Variants in PTPRM observed in about 807,000 individuals in gnomAD.
PTPRM encodes protein tyrosine phosphatase receptor type M.
In PTPRM, 47 loss-of-function variants were observed where a neutral mutation model predicts 186.7. The observed-to-expected ratio is 0.25, with a 90% CI of 0.20 to 0.32. PTPRM has a LOEUF of 0.32. PTPRM is among the 10% of genes least tolerant of loss of function. The pLI, the probability that PTPRM is intolerant of heterozygous loss-of-function variation, is 1.00. For synonymous variants in PTPRM, 668 were observed against 674.9 expected (o/e 0.99, Z 0.16); for missense variants, 1,494 against 1,865.0 (o/e 0.80, Z 3.66).
At chr18:7,906,453 G>A in intron 3 of PTPRM, 52 bp from the exon 4 acceptor site, 1 of 1,423,296 alleles carries the variant, frequency 7.0e-7, no homozygotes, top group Non-Finnish European at 9.9e-7. Flanking sequence ...GAGATACTTG[G>A]TAAAAGTAAG....
At chr18:7,914,046 A>G (rs1469341258) in intron 4 of PTPRM, among the ~76,000 whole-genome samples, 1 of 152,000 alleles carries the variant, frequency 6.6e-6, no homozygotes, top group Non-Finnish European at 1.5e-5. Context: ...ATTGCTTACC[A>G]CTCCCAAATT....
chr18:7,751,521 G>A (rs2041217038), intron 1 of PTPRM: 1 of 152,186 alleles, frequency 6.6e-6, no homozygotes, highest in Non-Finnish European at 1.5e-5. Flanking sequence ...AACAAAGGGA[G>A]TCAGGAGTCA....
chr18:7,745,466 G>T (rs2040967043), intron 1 of PTPRM, among the ~76,000 whole-genome samples: 2 of 152,276 alleles, frequency 1.3e-5, no homozygotes, highest in South Asian at 4.1e-4. Flanking sequence ...ACAGGCTCTG[G>T]GAGAGGCAAC....
At chr18:7,622,282 G>A (rs2037958629) in intron 1 of PTPRM, among the ~76,000 whole-genome samples, 1 of 151,890 alleles carries the variant, frequency 6.6e-6, no homozygotes. Context: ...AATATGTACT[G>A]TGTATATGCA....
intron 21 of PTPRM, 112 bp from the exon 22 acceptor site, chr18:8,319,066 G>A (rs2095328845): frequency 5.6e-6 from 4 of 708,628 alleles, no homozygotes; most frequent in Non-Finnish European, 9.8e-6. Flanking sequence ...ACTTTCAGGT[G>A]ATGCAGCTAT....
rs748474577 is a variant in PTPRM, at chr18:8,069,966, A to G, written c.1413A>G (p.Gln471=). 6.2e-7 allele frequency: 1 copy of G among 1,613,950 alleles called. No individual in the cohort carries two copies. Among genetic ancestry groups the G allele is most frequent in the East Asian group, 2.2e-5 (1 of 44,882 alleles). Reference sequence around the variant, plus strand: ...ACCCAGAGGGCCGGAAGGAAAGCCAAGAACTCATAGTGCAGACAGATGAAG... The same window carrying G: ...ACCCAGAGGGCCGGAAGGAAAGCCAGGAACTCATAGTGCAGACAGATGAAG... The part of the protein sequence containing the change: ...LMNPEGRKES[Q]ELIVQTDEDL... The change falls in exon 8 of 33, where the codon CAA becomes CAG. Residue 471 remains glutamine (Q), a synonymous_variant. Coordinates refer to ENST00000580170, the MANE Select transcript of PTPRM (RefSeq NM_001105244.2).
At chr18:8,343,966 T>C (rs1002824995) in intron 23 of PTPRM, among the ~76,000 whole-genome samples, 2 of 152,192 alleles carry the variant, frequency 1.3e-5, no homozygotes, top group African/African-American at 4.8e-5. Flanking sequence ...TGTGTCTCAG[T>C]TTCCAAACCT....
chr18:8,064,360 A>C (rs1366986889), intron 7 of PTPRM, among the ~76,000 whole-genome samples: 4 of 144,190 alleles, frequency 2.8e-5, no homozygotes, highest in Non-Finnish European at 1.5e-5. Flanking sequence ...ACTTTCCTTC[A>C]TTTATTCTGT....
At position 8,292,666 on chromosome 18, in the gene PTPRM, G is replaced by A. The variant is rs1266511836; in HGVS notation, c.2755-3702G>A. Among the ~76,000 whole-genome samples the A allele has an allele frequency of 2.0e-5, 3 of 152,226 alleles. No individual in the cohort carries two copies. In the South Asian group the frequency reaches 6.2e-4, roughly 31 times the overall value. On this transcript the variant is annotated intron_variant, in intron 19 of 32. Transcript: ENST00000580170. The stretch of plus-strand genomic sequence containing the variant: ...AGTGATTCATGTAATTCCTGGATAA[G>A]AAGTTGGGAGGCTCATTGCAAGAAG...
intron 1 of PTPRM, among the ~76,000 whole-genome samples, chr18:7,628,722 A>G (rs2038119863): frequency 6.6e-6 from 1 of 152,214 alleles, no homozygotes; most frequent in South Asian, 2.1e-4. Flanking sequence ...CCACCCTGTC[A>G]GGCACTGTCC....
chr18:8,250,289 C>T (rs9953608), intron 17 of PTPRM, among the ~76,000 whole-genome samples: 11,355 of 152,074 alleles, frequency 0.075, 932 homozygotes, highest in African/African-American at 0.2. Flanking sequence ...GATAGACAGA[C>T]AGAACCTACC....
In PTPRM at chr18:7,965,050, T is replaced by C. The variant is rs928070000; in HGVS notation, c.1132+9636T>C. 2.0e-3 allele frequency among the ~76,000 whole-genome samples: 260 copies of C among 128,890 alleles called. 2 individuals are homozygous for C. Among genetic ancestry groups the C allele is most frequent in the African/African-American group, 8.1e-3 (251 of 31,054 alleles). 84.6% of individuals were successfully genotyped at this position (128,890 alleles called of 152,430 possible). A position where few individuals can be genotyped will look rare whatever the true frequency, so the allele number is the denominator to read the frequency against. ...CTCTAACACTTTTTTTTTTTTTTTT[T>C]TTTTGAGACGGAGTTTCGCTCTTGT... On this transcript the variant is annotated intron_variant, in intron 7 of 32. Coordinates refer to ENST00000580170, the MANE Select transcript of PTPRM (RefSeq NM_001105244.2).
intron 1 of PTPRM, among the ~76,000 whole-genome samples, chr18:7,646,642 G>A (rs1331777704): frequency 6.6e-6 from 1 of 152,062 alleles, no homozygotes; most frequent in East Asian, 1.9e-4. Flanking sequence ...CTCTGCTCCA[G>A]AGCCTTCCTC....
At chr18:7,789,704 A>G (rs1455527243) in intron 2 of PTPRM, among the ~76,000 whole-genome samples, 1 of 152,184 alleles carries the variant, frequency 6.6e-6, no homozygotes, top group Non-Finnish European at 1.5e-5. Flanking sequence ...GAAGCTGAAT[A>G]CATATCATTC....
intron 2 of PTPRM, among the ~76,000 whole-genome samples, chr18:7,780,029 T>C (rs1174439261): frequency 6.6e-6 from 1 of 152,164 alleles, no homozygotes; most frequent in Non-Finnish European, 1.5e-5. Flanking sequence ...AAAATATAGT[T>C]CATCAGACCC....
At chr18:7,615,807 C>G (rs1052112404) in intron 1 of PTPRM, among the ~76,000 whole-genome samples, 1 of 152,102 alleles carries the variant, frequency 6.6e-6, no homozygotes, top group Non-Finnish European at 1.5e-5. Flanking sequence ...ATATAACTCA[C>G]CATAATGCAG....
At chr18:7,870,866 G>A (rs10502364) in intron 2 of PTPRM, among the ~76,000 whole-genome samples, 36,480 of 152,004 alleles carry the variant, frequency 0.24, 5,153 homozygotes, top group East Asian at 0.5. Flanking sequence ...GAAAAGAACC[G>A]TCTCTCTGGC....
intron 4 of PTPRM, among the ~76,000 whole-genome samples, chr18:7,925,677 CTCTTCTGTGGGAA>C (rs1298689070): frequency 7.9e-5 from 12 of 152,152 alleles, no homozygotes; most frequent in African/African-American, 2.9e-4. Context: ...TGCTTCCCAC[CTCTTCTGTGGGAA>C]GCACTCTGCT....
At chr18:7,583,072 C>T (rs906665063) in intron 1 of PTPRM, among the ~76,000 whole-genome samples, 1 of 152,196 alleles carries the variant, frequency 6.6e-6, no homozygotes. Flanking sequence ...AGCCCTATGA[C>T]TACAGAATAG....
Sources: allele counts gnomAD v4.1 joint callset (sites outside exome capture counted in the v4.1 genomes callset), GRCh38; gene constraint gnomAD v4.1.1; transcripts MANE v1.5; gene names NCBI Gene and HGNC (gene_info 2026-07-23, HGNC 2026-07-21).